The following GNB4 variants were observed in gnomAD, a reference collection of about 807,000 sequenced individuals.
GNB4 encodes guanine nucleotide-binding protein subunit beta-4.
A neutral mutation model predicts 45.2 loss-of-function variants in GNB4; 28 were observed. The observed-to-expected ratio is 0.62, with a 90% CI of 0.46 to 0.85. The LOEUF is 0.85. Ranked by LOEUF, GNB4 falls within the 40% of genes least tolerant of loss-of-function variation. GNB4 has a pLI of 0.00. For synonymous variants in GNB4, 132 were observed against 143.7 expected, an observed-to-expected ratio of 0.92 and a Z score of 0.58; for missense variants, 321 against 425.4, an observed-to-expected ratio of 0.75 and a Z score of 2.16.
chr3:179,482,275 C>CT, the GNB4 span, among the ~76,000 whole-genome samples: 1 of 151,998 alleles, frequency 6.6e-6, no homozygotes, highest in Non-Finnish European at 1.5e-5. Flanking sequence ...TTTAAATGAC[C>CT]TTTTTGCAAT....
intron 3 of GNB4, among the ~76,000 whole-genome samples, chr3:179,420,135 ATTT>A (rs1016508780): frequency 6.8e-6 from 1 of 146,348 alleles, no homozygotes; most frequent in Non-Finnish European, 1.5e-5. Context: ...AATATATATA[ATTT>A]TTTTTTTTTC....
chr3:179,493,783 G>A, the GNB4 span, among the ~76,000 whole-genome samples: 7 of 152,188 alleles, frequency 4.6e-5, no homozygotes, highest in Non-Finnish European at 7.3e-5. Flanking sequence ...AGGCAGAGGT[G>A]TAGGGAAAAG....
the GNB4 span, among the ~76,000 whole-genome samples, chr3:179,517,635 G>A: frequency 4.6e-5 from 7 of 152,080 alleles, no homozygotes; most frequent in Admixed American, 2.6e-4. Context: ...TTGGGTAAGC[G>A]GCCTCTCTTT....
chr3:179,514,491 TA>T, the GNB4 span, among the ~76,000 whole-genome samples: 1 of 152,156 alleles, frequency 6.6e-6, no homozygotes, highest in African/African-American at 2.4e-5. Context: ...GACAGAGTGT[TA>T]GGGGCTGAAT....
chr3:179,413,452 T>G lies in GNB4; in HGVS notation c.659A>C (p.Gln220Pro). ...LWDIRDGMCR[Q>P]SFTGHVSDIN... is the part of the protein sequence containing the mutation. ...ATCTGAGACATGTCCCGTGAAAGAC[T>G]GTCTACACATTCCATCTCGAATATC... The change falls in exon 8 of 10, where the codon CAG becomes CCG. Residue 220 changes from glutamine (Q) to proline (P), a missense_variant. Physicochemically the swap from Gln to Pro is moderately conservative, Grantham distance 76. Transcript: ENST00000232564. The G allele has an allele frequency of 6.2e-7, 1 of 1,614,134 alleles. No homozygotes were observed. Among genetic ancestry groups the G allele is most frequent in the Non-Finnish European group, 8.5e-7 (1 of 1,179,984 alleles).
intron 6 of GNB4, among the ~76,000 whole-genome samples, chr3:179,414,134 T>A (rs112047294): frequency 0.015 from 2,314 of 152,248 alleles, 68 homozygotes; most frequent in African/African-American, 0.053. Flanking sequence ...TAAAATACTG[T>A]GAGAGGATGC....
At chr3:179,464,372 G>T in the GNB4 span, 6 of 929,766 alleles carry the variant, frequency 6.5e-6, no homozygotes, top group Non-Finnish European at 8.8e-6. Flanking sequence ...TCATGTCCAG[G>T]TTGGCTGCCT....
upstream of GNB4, among the ~76,000 whole-genome samples, chr3:179,454,363 G>C (rs1251412361): frequency 2.0e-5 from 3 of 152,202 alleles, no homozygotes; most frequent in African/African-American, 4.8e-5. Context: ...ATGAGTGAAT[G>C]CACTTGGCTG....
At chr3:179,472,230 TCAA>T in the GNB4 span, among the ~76,000 whole-genome samples, 2 of 152,004 alleles carry the variant, frequency 1.3e-5, no homozygotes, top group East Asian at 3.8e-4. Context: ...TACCAAAATA[TCAA>T]CATTAGTTTT....
chr3:179,508,737 A>G, the GNB4 span, among the ~76,000 whole-genome samples: 2 of 152,018 alleles, frequency 1.3e-5, no homozygotes, highest in Admixed American at 1.3e-4. Flanking sequence ...TCATTAACAC[A>G]GCATTTTGAT....
the GNB4 span, among the ~76,000 whole-genome samples, chr3:179,517,128 C>A: frequency 6.6e-6 from 1 of 152,192 alleles, no homozygotes; most frequent in African/African-American, 2.4e-5. Context: ...ACATACACAT[C>A]CAGATGGCCG....
chr3:179,403,271 TAAAAATAAAGACAGGAAACCCC>T, intron 9 of GNB4, among the ~76,000 whole-genome samples: 1 of 147,996 alleles, frequency 6.8e-6, no homozygotes. Flanking sequence ...GGAAATATTC[TAAAAATAAAGACAGGAAACCCC>T]AAAAATGAAG....
chr3:179,443,757 C>T (rs1018698742), intron 1 of GNB4, among the ~76,000 whole-genome samples: 1 of 152,116 alleles, frequency 6.6e-6, no homozygotes, highest in Non-Finnish European at 1.5e-5. Context: ...ACTTCATTTA[C>T]AAAAATACTA....
At chr3:179,433,618 G>GA (rs1363827459) in intron 1 of GNB4, among the ~76,000 whole-genome samples, 6,947 of 107,892 alleles carry the variant, frequency 0.064, 504 homozygotes, top group African/African-American at 0.19. Flanking sequence ...TCTAACGGTG[G>GA]AAAAAAAAAA....
At chr3:179,499,155 C>CTTTTTTTTTTTTTT in the GNB4 span, among the ~76,000 whole-genome samples, 1 of 111,510 alleles carries the variant, frequency 9.0e-6, no homozygotes, top group Non-Finnish European at 1.8e-5. Flanking sequence ...GCCACATTTT[C>CTTTTTTTTTTTTTT]TTTTTTTTTT....
At chr3:179,469,852 T>A in the GNB4 span, among the ~76,000 whole-genome samples, 1 of 152,192 alleles carries the variant, frequency 6.6e-6, no homozygotes, top group Non-Finnish European at 1.5e-5. Context: ...GTTAAGATGG[T>A]TACAAGAAAG....
intron 1 of GNB4, among the ~76,000 whole-genome samples, chr3:179,435,034 CAATAA>C (rs1419277127): frequency 6.6e-6 from 1 of 151,558 alleles, no homozygotes; most frequent in Admixed American, 6.6e-5. Flanking sequence ...CCACTGGGAA[CAATAA>C]AATAAATGAA....
chr3:179,443,397 G>A (rs150991695), intron 1 of GNB4, among the ~76,000 whole-genome samples: 1 of 152,198 alleles, frequency 6.6e-6, no homozygotes, highest in East Asian at 1.9e-4. Context: ...AAATTAGCCA[G>A]GTGTGGTGGT....
chr3:179,495,496 GAAAGA>G, the GNB4 span, among the ~76,000 whole-genome samples: 1 of 144,520 alleles, frequency 6.9e-6, no homozygotes, highest in African/African-American at 2.6e-5. Flanking sequence ...AGTAAAGAAA[GAAAGA>G]AAAGAAAGGA....
Sources: allele counts gnomAD v4.1 joint callset (sites outside exome capture counted in the v4.1 genomes callset), GRCh38; gene constraint gnomAD v4.1.1; transcripts MANE v1.5; gene names NCBI Gene and HGNC (gene_info 2026-07-23, HGNC 2026-07-21).